The following KDM5C variants were observed in gnomAD, a reference collection of about 807,000 sequenced individuals.
KDM5C encodes the protein lysine demethylase 5C.
A neutral mutation model predicts 110.6 loss-of-function variants in KDM5C; 16 were observed. That is an observed-to-expected ratio of 0.14 (90% CI 0.10 to 0.22). KDM5C has a LOEUF of 0.22. Ranked by LOEUF, KDM5C falls within the 10% of genes least tolerant of loss-of-function variation. The probability of loss-of-function intolerance (pLI) is 1.00; values close to 1 mark genes in which losing one functional copy is unlikely to be tolerated. For missense variants in KDM5C, 681 were observed against 1,300.9 expected, an observed-to-expected ratio of 0.52 and a Z score of 7.33; for synonymous variants, 511 against 520.4, an observed-to-expected ratio of 0.98 and a Z score of 0.24.
intron 4 of KDM5C, 142 bp downstream of exon 4, chrX:53,217,654 T>A (rs1459918752): frequency 1.5e-6 from 1 of 650,386 alleles, no homozygotes; most frequent in African/African-American, 2.2e-5. Context: ...CTGAGCAGTG[T>A]AGAAAGAGAA....
At chrX:53,218,086 G>T in intron 3 of KDM5C, 120 bp from the exon 4 acceptor site, 2 of 897,378 alleles carry the variant, frequency 2.2e-6, no homozygotes, top group Non-Finnish European at 3.2e-6. Context: ...TTCACTGGGG[G>T]CTATCCCCTT....
chrX:53,180,645 C>T (rs1489238416), intron 25 of KDM5C, among the ~76,000 whole-genome samples: 1 of 107,570 alleles, frequency 9.3e-6, no homozygotes, highest in Non-Finnish European at 1.9e-5. Context: ...TCACTGCAAA[C>T]TCTGCCTCCG....
At chrX:53,187,814 C>T (rs782074231), downstream of KDM5C, among the ~76,000 whole-genome samples, 6 of 108,111 alleles carry the variant, frequency 5.5e-5, 1 homozygote, top group South Asian at 4.1e-4. Context: ...GGCTGGAGTG[C>T]GGTGGCGTGA....
Position 53,218,031 on chromosome X carries a change from T to C in KDM5C, c.352-65A>G, listed in dbSNP as rs782387233. On this transcript the variant is annotated intron_variant, in intron 3 of 25. Transcript: ENST00000375401. ...GTATTTATATGTGAGGGAGTAGGCC[T>C]GTAGAAAGGGCAAAAGGGCAATGAG... The C allele has an allele frequency of 6.1e-5, 69 of 1,123,499 alleles. No individual in the cohort carries two copies. The South Asian group carries it at 1.2e-3, about 19-fold the overall frequency. The allele number at this position is 1,123,499 out of a possible 1,213,427, so 92.6% of individuals were successfully genotyped here.
At chrX:53,201,323 A>C in intron 14 of KDM5C, 1 of 435,030 alleles carries the variant, frequency 2.3e-6, no homozygotes, top group South Asian at 3.3e-5. Context: ...CAAAAAGATA[A>C]GCATTATCAT....
chrX:53,210,403 T>C lies in KDM5C; in HGVS notation c.1746+11A>G. The C allele has an allele frequency of 8.3e-7, 1 of 1,211,651 alleles. No individual in the cohort carries two copies. The highest frequency in any genetic ancestry group is 3.0e-5 in the East Asian group (1 of 33,861). ...ACTCCTGCCGCTTGTCCCTGTTGCC[T>C]GGGTACTCACTGGCACACCATGGGA... On this transcript the variant is annotated intron_variant, in intron 12 of 25. Transcript: ENST00000375401.
chrX:53,209,832 T>C (rs782339363), intron 12 of KDM5C, among the ~76,000 whole-genome samples: 2 of 112,341 alleles, frequency 1.8e-5, no homozygotes, highest in African/African-American at 3.2e-5. Flanking sequence ...ACACAGAGGA[T>C]AGACCAGAAC....
At chrX:53,185,629 G>A (rs1280011008) in intron 25 of KDM5C, among the ~76,000 whole-genome samples, 5 of 110,900 alleles carry the variant, frequency 4.5e-5, no homozygotes, top group Non-Finnish European at 7.6e-5. Flanking sequence ...GAGGTGACAG[G>A]TTCATCTCCA....
intron 8 of KDM5C, among the ~76,000 whole-genome samples, chrX:53,213,866 A>G (rs2073658239): frequency 8.9e-6 from 1 of 111,796 alleles, no homozygotes; most frequent in African/African-American, 3.2e-5. Flanking sequence ...TATAAGTAAC[A>G]GCAAAAAGAT....
chrX:53,197,005 G>A lies in KDM5C; in HGVS notation c.2662C>T (p.Arg888Cys), dbSNP rs376775932. ...GAGGGCAGTGAGGCCAGGGCCTCAC[G>A]AGCCTCAGCCTGGTAGGCCTCCACC... is the stretch of plus-strand genomic sequence containing the variant. ...EQVEAYQAEA[R>C]EALASLPSSP... Residue 888 changes from arginine to cysteine, a missense_variant, in exon 19 of 26, where the codon CGT becomes TGT. Arg to Cys is a radical substitution (Grantham distance 180). This residue lies in a region of KDM5C where 123 missense variants were observed against 169.0 expected (regional missense o/e 0.73). Transcript: ENST00000375401. 52 of 1,191,483 alleles carry A rather than the reference G, an allele frequency of 4.4e-5. 1 individual carries two copies. The highest frequency in any genetic ancestry group is 5.3e-5 in the African/African-American group (3 of 56,852).
chrX:53,206,170 T>C lies in KDM5C; in HGVS notation c.1747-4197A>G, dbSNP rs2073322257. Among the ~76,000 whole-genome samples, 3 of 112,634 alleles carry C rather than the reference T, an allele frequency of 2.7e-5. No homozygotes were observed. The South Asian group carries it at 1.1e-3, about 42-fold the overall frequency. On this transcript the variant is annotated intron_variant, in intron 12 of 25. Transcript: ENST00000375401. ...ATCAAAGGAATAAAGTTCTGATACA[T>C]GCTGCAATGTGGATGAACCCCAAAA...
intron 1 of KDM5C, 152 bp from the exon 2 acceptor site, chrX:53,221,068 C>A: frequency 2.1e-6 from 1 of 469,108 alleles, no homozygotes; most frequent in East Asian, 3.8e-5. Context: ...CCCAACCACC[C>A]ACCCCCACCT....
At position 53,214,858 on chromosome X, in the gene KDM5C, A is replaced by T; in HGVS notation, c.964-11T>A. ...GACATATGACTCAATCTGCCAGGGGAGAAGAGCAAAAGTTCTCCATTGGAA... is the reference window on the plus strand; with the variant it reads ...GACATATGACTCAATCTGCCAGGGGTGAAGAGCAAAAGTTCTCCATTGGAA... On this transcript the variant is annotated splice_polypyrimidine_tract_variant and intron_variant, in intron 7 of 25. Coordinates refer to ENST00000375401, the MANE Select transcript of KDM5C (RefSeq NM_004187.5). 4 of 1,210,249 alleles carry T rather than the reference A, an allele frequency of 3.3e-6. No individual in the cohort carries two copies. The highest frequency in any genetic ancestry group is 4.5e-6 in the Non-Finnish European group (4 of 894,554).
downstream of KDM5C, chrX:53,191,894 C>T (rs1335024793): frequency 5.7e-6 from 1 of 174,555 alleles, no homozygotes; most frequent in Non-Finnish European, 1.1e-5. Context: ...TGGAGGGCAT[C>T]AACTGGGGGA....
intron 8 of KDM5C, 187 bp downstream of exon 8, chrX:53,214,502 G>A (rs963109166): frequency 2.1e-5 from 10 of 468,976 alleles, no homozygotes; most frequent in Non-Finnish European, 3.3e-5. Flanking sequence ...TGGTCTGGGA[G>A]CTCTTAGAGG....
rs370060257 is a variant in KDM5C at position 53,194,237 on chromosome X, G to A, written c.3940C>T (p.Arg1314Trp). ...LLGRLAELRQ[R>W]LQAEPRPEEP... ...TCAGGTCTAGGTTCAGCCTGTAGCC[G>A]TTGGCGGAGCTCAGCCAGCCGTCCC... Residue 1314 changes from arginine (R) to tryptophan (W), a missense_variant, in exon 23 of 26, where the codon CGG (arginine) becomes TGG (tryptophan). This residue lies in a region of KDM5C where 88 missense variants were observed against 85.6 expected (regional missense o/e 1.03). Transcript: ENST00000375401. The A allele has an allele frequency of 1.2e-5, 14 of 1,210,672 alleles. No homozygotes were observed. The highest frequency in any genetic ancestry group is 3.0e-5 in the East Asian group (1 of 33,752).
intron 8 of KDM5C, chrX:53,212,791 A>C (rs1050239861): frequency 9.2e-6 from 1 of 108,378 alleles, no homozygotes; most frequent in African/African-American, 3.4e-5. Flanking sequence ...ACCTGAGGTC[A>C]GGAGTTCGAG....
intron 12 of KDM5C, among the ~76,000 whole-genome samples, chrX:53,203,986 C>A (rs1316913538): frequency 9.0e-6 from 1 of 111,459 alleles, no homozygotes; most frequent in African/African-American, 3.3e-5. Context: ...AACTCCTGAC[C>A]TCAGGTGATC....
At chrX:53,220,179 T>G (rs2146959481) in intron 2 of KDM5C, among the ~76,000 whole-genome samples, 1 of 111,612 alleles carries the variant, frequency 9.0e-6, no homozygotes, top group African/African-American at 3.3e-5. Context: ...CATGGAAAAC[T>G]CCAGGATCTT....
Sources: allele counts gnomAD v4.1 joint callset (sites outside exome capture counted in the v4.1 genomes callset), GRCh38; gene constraint gnomAD v4.1.1; regional missense constraint gnomAD v4.1.1; transcripts MANE v1.5; gene names NCBI Gene and HGNC (gene_info 2026-07-23, HGNC 2026-07-21).